The following KCTD1 variants were observed in gnomAD, a reference collection of about 807,000 sequenced individuals.
KCTD1 encodes the protein BTB/POZ domain-containing protein KCTD1.
KCTD1 carries 24 observed loss-of-function variants against 66.0 expected under a neutral mutation model. The observed-to-expected ratio is 0.36, with a 90% CI of 0.26 to 0.51. The LOEUF (loss-of-function observed/expected upper bound fraction) is 0.51. Ranked by LOEUF, KCTD1 falls within the 20% of genes least tolerant of loss-of-function variation. The pLI is 0.95. For synonymous variants in KCTD1, 511 were observed against 517.2 expected (o/e 0.99, Z 0.16); for missense variants, 943 against 1,205.2 (o/e 0.78, Z 3.22).
chr18:26,466,296 A>G (rs1313781006), intron 3 of KCTD1, among the ~76,000 whole-genome samples: 1 of 152,208 alleles, frequency 6.6e-6, no homozygotes, highest in East Asian at 1.9e-4. Flanking sequence ...AGACTGGCAC[A>G]TGTTAATGGC....
At chr18:26,532,489 C>T (rs1984497401) in intron 1 of KCTD1, among the ~76,000 whole-genome samples, 2 of 152,008 alleles carry the variant, frequency 1.3e-5, no homozygotes, top group Non-Finnish European at 2.9e-5. Context: ...GTCTCAAACT[C>T]GTGGCCTCAA....
At chr18:26,617,701 T>C (rs1021588156) in intron 1 of KCTD1, among the ~76,000 whole-genome samples, 4 of 152,150 alleles carry the variant, frequency 2.6e-5, no homozygotes, top group Non-Finnish European at 5.9e-5. Context: ...CTCCCATATG[T>C]TGGTTATAAT....
chr18:26,532,286 T>C (rs1165743539), intron 1 of KCTD1, among the ~76,000 whole-genome samples: 1 of 112,712 alleles, frequency 8.9e-6, no homozygotes, highest in Admixed American at 9.5e-5. Flanking sequence ...TTTTTTTTTT[T>C]TGAGACAGGG....
At chr18:26,587,638 G>A (rs945195478) in intron 1 of KCTD1, among the ~76,000 whole-genome samples, 12 of 152,192 alleles carry the variant, frequency 7.9e-5, no homozygotes, top group African/African-American at 2.7e-4. Context: ...GAACATTTAT[G>A]ATTCATGAGA....
chr18:26,600,159 C>T, intron 1 of KCTD1: 1 of 1,606,018 alleles, frequency 6.2e-7, no homozygotes, highest in South Asian at 1.1e-5. Flanking sequence ...GCACCTGTGG[C>T]CTTGCCAAAG....
intron 1 of KCTD1, among the ~76,000 whole-genome samples, chr18:26,601,326 T>TAAAAAAAAAAAAAAA (rs61521451): frequency 2.1e-5 from 2 of 93,252 alleles, no homozygotes; most frequent in African/African-American, 8.6e-5. Flanking sequence ...TGTTCATTGG[T>TAAAAAAAAAAAAAAA]AAAAAAAAAA....
intron 1 of KCTD1, among the ~76,000 whole-genome samples, chr18:26,504,882 C>G (rs138223472): frequency 3.3e-5 from 5 of 152,160 alleles, no homozygotes; most frequent in Non-Finnish European, 7.3e-5. Flanking sequence ...ACACTGAAGT[C>G]CAGGATGGGA....
At chr18:26,623,308 C>T (rs1427230807) in intron 1 of KCTD1, among the ~76,000 whole-genome samples, 1 of 152,158 alleles carries the variant, frequency 6.6e-6, no homozygotes, top group South Asian at 2.1e-4. Context: ...TTCCTCTTTC[C>T]TTAAGAGGTA....
chr18:26,536,088 C>T (rs1984696415), intron 1 of KCTD1, among the ~76,000 whole-genome samples: 1 of 152,006 alleles, frequency 6.6e-6, no homozygotes, highest in Admixed American at 6.6e-5. Context: ...TACAGGAAAG[C>T]CCTTTGCTTT....
intron 1 of KCTD1, among the ~76,000 whole-genome samples, chr18:26,592,720 G>A (rs1417199637): frequency 9.9e-5 from 15 of 152,130 alleles, no homozygotes. Context: ...GAAAACTTAA[G>A]CATTATAATC....
intron 1 of KCTD1, among the ~76,000 whole-genome samples, chr18:26,524,320 T>C (rs1984056012): frequency 6.6e-6 from 1 of 152,174 alleles, no homozygotes; most frequent in Non-Finnish European, 1.5e-5. Context: ...TATCCAGCTT[T>C]AGTGAGACAG....
chr18:26,654,650 A>G (rs969970385), intron 1 of KCTD1, among the ~76,000 whole-genome samples: 4 of 152,138 alleles, frequency 2.6e-5, no homozygotes, highest in African/African-American at 9.7e-5. Context: ...TTTTTGACAA[A>G]TATCTTTCAC....
chr18:26,480,219 T>C (rs912077401), intron 2 of KCTD1, among the ~76,000 whole-genome samples: 4 of 150,044 alleles, frequency 2.7e-5, no homozygotes, highest in African/African-American at 9.7e-5. Flanking sequence ...GAGAAAATAA[T>C]AGAATGAACC....
chr18:26,546,284 A>G (rs1470898517), intron 1 of KCTD1, among the ~76,000 whole-genome samples: 3 of 150,886 alleles, frequency 2.0e-5, no homozygotes, highest in Non-Finnish European at 4.4e-5. Flanking sequence ...TCAATAATTT[A>G]TAACTGTTTT....
intron 1 of KCTD1, among the ~76,000 whole-genome samples, chr18:26,527,844 TAA>T (rs1250106022): frequency 2.7e-5 from 4 of 149,430 alleles, no homozygotes; most frequent in Non-Finnish European, 1.5e-5. Context: ...GAAAAATAAA[TAA>T]GAGAAAAAAA....
At chr18:26,542,998 C>G (rs976444082) in intron 1 of KCTD1, 2 of 135,012 alleles carry the variant, frequency 1.5e-5, no homozygotes, top group African/African-American at 5.0e-5. Context: ...TTATTTTGAT[C>G]TAGTTTAAAC....
Position 26,499,761 on chromosome 18 carries a change from C to T in KCTD1, c.1988+1311G>A, listed in dbSNP as rs62087033. The stretch of plus-strand genomic sequence containing the variant: ...CATAAGACATTCTGAAAAATGTGGC[C>T]GGTGCCCTTCTGAAGCTCAAGGAGT... On this transcript the variant is annotated intron_variant, in intron 2 of 4. Coordinates refer to ENST00000580059, the MANE Select transcript of KCTD1 (RefSeq NM_001142730.3). 8.7e-3 allele frequency among the ~76,000 whole-genome samples: 1,319 copies of T among 152,212 alleles called. 18 individuals carry two copies. The highest frequency in any genetic ancestry group is 0.014 in the Non-Finnish European group (953 of 68,030).
chr18:26,635,944 T>C (rs1987714149), intron 1 of KCTD1, among the ~76,000 whole-genome samples: 1 of 152,108 alleles, frequency 6.6e-6, no homozygotes, highest in African/African-American at 2.4e-5. Flanking sequence ...GGTAGATTAA[T>C]TCAGCTTGCT....
chr18:26,535,803 G>A (rs1355229473), intron 1 of KCTD1, among the ~76,000 whole-genome samples: 1 of 152,006 alleles, frequency 6.6e-6, no homozygotes, highest in Non-Finnish European at 1.5e-5. Context: ...TTGCTTCTTG[G>A]TAGGTAGGTG....
Sources: allele counts gnomAD v4.1 joint callset (sites outside exome capture counted in the v4.1 genomes callset), GRCh38; gene constraint gnomAD v4.1.1; transcripts MANE v1.5; gene names NCBI Gene and HGNC (gene_info 2026-07-23, HGNC 2026-07-21).